The following SLC7A5 variants were observed in gnomAD, a reference collection of about 807,000 sequenced individuals.
The protein encoded by SLC7A5 is solute carrier family 7 member 5, also known as large neutral amino acids transporter small subunit 1.
A neutral mutation model predicts 50.2 loss-of-function variants in SLC7A5; 23 were observed. The observed-to-expected ratio is 0.46, with a 90% CI of 0.33 to 0.65. The LOEUF is 0.65. Among genes scored for constraint, SLC7A5 ranks in the 30% least tolerant of loss-of-function variants. The probability of loss-of-function intolerance (pLI) is 0.02; values close to 1 mark genes in which losing one functional copy is unlikely to be tolerated. For missense variants in SLC7A5, 578 were observed against 684.4 expected, an observed-to-expected ratio of 0.84 and a Z score of 1.73; for synonymous variants, 393 against 330.6, an observed-to-expected ratio of 1.19 and a Z score of -2.05.
chr16:87,858,437 C>T (rs1461317702), intron 1 of SLC7A5, among the ~76,000 whole-genome samples: 1 of 152,162 alleles, frequency 6.6e-6, no homozygotes, highest in Non-Finnish European at 1.5e-5. Flanking sequence ...CGCCCCACTC[C>T]AAACCCTCTA....
chr16:87,834,276 C>T (rs1338371847), intron 9 of SLC7A5, 138 bp downstream of exon 9: 7 of 792,742 alleles, frequency 8.8e-6, no homozygotes, highest in Admixed American at 2.0e-5. Context: ...GTGTCACTGG[C>T]GGACACTGCA....
At chr16:87,842,962 G>A (rs951806265) in intron 2 of SLC7A5, among the ~76,000 whole-genome samples, 2 of 152,146 alleles carry the variant, frequency 1.3e-5, no homozygotes, top group African/African-American at 4.8e-5. Flanking sequence ...ACTGTGTCTC[G>A]CCCACTTACT....
chr16:87,856,605 C>T (rs1041496371), intron 1 of SLC7A5, among the ~76,000 whole-genome samples: 1 of 152,220 alleles, frequency 6.6e-6, no homozygotes, highest in Non-Finnish European at 1.5e-5. Context: ...CTTGGGCCCC[C>T]CTCTGCAGCT....
At chr16:87,858,810 C>G (rs2055352668) in intron 1 of SLC7A5, among the ~76,000 whole-genome samples, 1 of 152,218 alleles carries the variant, frequency 6.6e-6, no homozygotes, top group Non-Finnish European at 1.5e-5. Flanking sequence ...TGAACAGACT[C>G]TGCGCTCAGG....
At chr16:87,864,848 C>T (rs572984856) in intron 1 of SLC7A5, among the ~76,000 whole-genome samples, 18 of 152,322 alleles carry the variant, frequency 1.2e-4, no homozygotes, top group African/African-American at 3.6e-4. Context: ...TAAACACCCA[C>T]GGTCTTAAGA....
intron 8 of SLC7A5, among the ~76,000 whole-genome samples, chr16:87,836,289 C>T (rs2055002343): frequency 6.6e-6 from 1 of 152,274 alleles, no homozygotes; most frequent in Non-Finnish European, 1.5e-5. Context: ...ATCTGCTGTC[C>T]TTTGAGGAAC....
At position 87,838,700 on chromosome 16, in the gene SLC7A5, C is replaced by G. The variant is rs771110632; in HGVS notation, c.1043+14G>C. Reference sequence around the variant, plus strand: ...TGGGCCTCCCTCACCTGTGGTGGGTCGGGCTGTGCTCACCTGGAGGATGTG... The same window carrying G: ...TGGGCCTCCCTCACCTGTGGTGGGTGGGGCTGTGCTCACCTGGAGGATGTG... On this transcript the variant is annotated intron_variant, in intron 6 of 9. Coordinates refer to ENST00000261622, the MANE Select transcript of SLC7A5 (RefSeq NM_003486.7). 1.9e-6 allele frequency: 3 copies of G among 1,601,284 alleles called. No homozygotes were observed. The highest frequency in any genetic ancestry group is 2.7e-5 in the African/African-American group (2 of 74,662).
chr16:87,832,119 G>GTA lies in SLC7A5; in HGVS notation c.*850_*851insTA, dbSNP rs2054942640. ...CCACATGGGTGCCTGGCCGCGGTGTGTCTGCCTTTCTTGTCTCTGTTTCTA... is the reference window on the plus strand; with the variant it reads ...CCACATGGGTGCCTGGCCGCGGTGTGTATCTGCCTTTCTTGTCTCTGTTTCTA... On this transcript the variant is annotated 3_prime_UTR_variant, in exon 10 of 10. Coordinates refer to ENST00000261622, the MANE Select transcript of SLC7A5 (RefSeq NM_003486.7). The surrounding 1 kb of genome is among the most constrained non-coding windows in gnomAD (Gnocchi z 4.6). The GTA allele has an allele frequency of 6.6e-6, 1 of 152,316 alleles. No individual in the cohort carries two copies. The highest frequency in any genetic ancestry group is 2.1e-4 in the South Asian group (1 of 4,826). 9.4% of individuals were successfully genotyped at this position (152,316 alleles called of 1,614,324 possible).
At chr16:87,835,767 C>T (rs191029460) in intron 8 of SLC7A5, among the ~76,000 whole-genome samples, 22 of 152,350 alleles carry the variant, frequency 1.4e-4, no homozygotes, top group South Asian at 1.0e-3. Flanking sequence ...AGCCACCGCG[C>T]CCAGCCTAAA....
At chr16:87,859,946 A>C (rs1228469904) in intron 1 of SLC7A5, among the ~76,000 whole-genome samples, 1 of 151,570 alleles carries the variant, frequency 6.6e-6, no homozygotes, top group Non-Finnish European at 1.5e-5. Flanking sequence ...AACAAAACAC[A>C]ATATTCGTCT....
At position 87,861,448 on chromosome 16, in the gene SLC7A5, G is replaced by A. The variant is rs140439000; in HGVS notation, c.538+7437C>T. Among the ~76,000 whole-genome samples, 44 of 152,252 alleles carry A rather than the reference G, an allele frequency of 2.9e-4. 2 individuals carry two copies. The East Asian group carries it at 7.9e-3, about 27-fold the overall frequency. On this transcript the variant is annotated intron_variant, in intron 1 of 9. Transcript: ENST00000261622. The surrounding 1 kb of genome is among the most constrained non-coding windows in gnomAD (Gnocchi z 4.2). ...TCCCCTATGCCTGATGACAAATGGT[G>A]GCCTCAGTGTAGAGGTGGGCACTGT... is the stretch of plus-strand genomic sequence containing the variant.
chr16:87,858,598 T>A lies in SLC7A5; in HGVS notation c.539-6749A>T, dbSNP rs142644968. Among the ~76,000 whole-genome samples the A allele has an allele frequency of 7.7e-3, 1,175 of 152,204 alleles. 48 individuals are homozygous for A. The highest frequency in any genetic ancestry group is 0.072 in the Admixed American group (1,100 of 15,294). On this transcript the variant is annotated intron_variant, in intron 1 of 9. Coordinates refer to ENST00000261622, the MANE Select transcript of SLC7A5 (RefSeq NM_003486.7). ...AGTTCAGAGAGGTTGTCCCACTTGG[T>A]GAAAGTCACACAGCAGTTCCTGGGC...
chr16:87,834,028 AT>A (rs1214401254), intron 9 of SLC7A5, among the ~76,000 whole-genome samples: 8 of 151,900 alleles, frequency 5.3e-5, no homozygotes, highest in Non-Finnish European at 8.8e-5. Context: ...TGATCTGTGT[AT>A]TTTTAGTAGA....
intron 2 of SLC7A5, among the ~76,000 whole-genome samples, chr16:87,844,066 A>G (rs1350863170): frequency 6.6e-6 from 1 of 152,134 alleles, no homozygotes; most frequent in African/African-American, 2.4e-5. Context: ...CAAGGAGGGG[A>G]CAGCGTGACA....
Position 87,833,947 on chromosome 16 carries a change from G to A in SLC7A5, c.1468+467C>T, listed in dbSNP as rs529102987. On this transcript the variant is annotated intron_variant, in intron 9 of 9. Coordinates refer to ENST00000261622, the MANE Select transcript of SLC7A5 (RefSeq NM_003486.7). This position sits in a 1 kb window ranked among gnomAD's most constrained non-coding sequence, Gnocchi z 6.0. Reference sequence around the variant, plus strand: ...CGGCTCACTGCAACCTCCGTCTCCCGGGTTCAAGTGATTCTCCTGCCTCAG... The same window carrying A: ...CGGCTCACTGCAACCTCCGTCTCCCAGGTTCAAGTGATTCTCCTGCCTCAG... Among the ~76,000 whole-genome samples, 21 of 151,470 alleles carry A rather than the reference G, an allele frequency of 1.4e-4. No individual in the cohort carries two copies. The highest frequency in any genetic ancestry group is 2.4e-4 in the Non-Finnish European group (16 of 67,876).
chr16:87,844,967 G>A (rs887999828), intron 2 of SLC7A5, among the ~76,000 whole-genome samples: 7 of 152,234 alleles, frequency 4.6e-5, no homozygotes, highest in East Asian at 1.9e-4. Flanking sequence ...CACTAAGGCC[G>A]ACGACAAGTG....
intron 8 of SLC7A5, among the ~76,000 whole-genome samples, chr16:87,835,127 G>A (rs919089946): frequency 1.7e-4 from 26 of 152,268 alleles, no homozygotes; most frequent in Non-Finnish European, 3.4e-4. Context: ...CCTGCGGCTC[G>A]GCATGGCTGG....
At chr16:87,845,850 T>A (rs1464372400) in intron 2 of SLC7A5, among the ~76,000 whole-genome samples, 1 of 152,088 alleles carries the variant, frequency 6.6e-6, no homozygotes, top group Non-Finnish European at 1.5e-5. Flanking sequence ...TGTCCATGCG[T>A]CTGACGAAGG....
chr16:87,835,072 C>G (rs921466580), intron 8 of SLC7A5, among the ~76,000 whole-genome samples: 1 of 152,234 alleles, frequency 6.6e-6, no homozygotes, highest in Non-Finnish European at 1.5e-5. Context: ...GAGCTCCACC[C>G]GGCACAGAAG....
Sources: gnomAD v4.1 joint callset for allele counts (sites outside exome capture counted in the v4.1 genomes callset) on GRCh38, gnomAD v4.1.1 for gene constraint, Gnocchi (gnomAD v3.1) non-coding constraint, MANE v1.5 for transcripts, NCBI Gene and HGNC (gene_info 2026-07-23, HGNC 2026-07-21) for gene names.